The following TMEM116 variants were observed in gnomAD, a reference collection of about 807,000 sequenced individuals.
TMEM116 encodes transmembrane protein 116.
Under a neutral mutation model 44.3 loss-of-function variants are expected in TMEM116, and 38 were observed. The observed-to-expected ratio is 0.86, with a 90% CI of 0.66 to 1.12. The LOEUF (loss-of-function observed/expected upper bound fraction) is 1.12, where lower values mean the gene tolerates loss of function less well. Among genes scored for constraint, TMEM116 ranks in the 50% most tolerant of loss-of-function variants. The pLI is 0.00. For synonymous variants in TMEM116, 132 were observed against 144.8 expected (o/e 0.91, Z 0.64); for missense variants, 354 against 401.7 (o/e 0.88, Z 1.01).
intron 5 of TMEM116, among the ~76,000 whole-genome samples, chr12:111,940,550 C>CATATATGTGTATATATAT (rs1565874405): frequency 7.8e-6 from 1 of 127,708 alleles, no homozygotes; most frequent in African/African-American, 3.2e-5. Context: ...TATATACACA[C>CATATATGTGTATATATAT]ACACATATAT....
Position 111,938,220 on chromosome 12 carries a change from GAATA to G in TMEM116, c.316-14_316-11del, listed in dbSNP as rs1368902462. On this transcript the variant is annotated splice_polypyrimidine_tract_variant and intron_variant, in intron 5 of 10. Transcript: ENST00000552374. ...AAGTATAATCTATCACCTGTGAAAA[GAATA>G]AATGTGAGAAATGTCTTAAGACATT... 5.1e-6 allele frequency: 8 copies of G among 1,563,176 alleles called. No individual in the cohort carries two copies. The highest frequency in any genetic ancestry group is 1.9e-5 in the Admixed American group (1 of 52,310).
At chr12:111,941,654 A>G (rs1468227383) in intron 5 of TMEM116, among the ~76,000 whole-genome samples, 1 of 152,162 alleles carries the variant, frequency 6.6e-6, no homozygotes, top group East Asian at 1.9e-4. Flanking sequence ...TATATAGACA[A>G]TGATATCTTG....
chr12:112,005,797 C>T, intron 1 of TMEM116: 1 of 888,716 alleles, frequency 1.1e-6, no homozygotes, highest in African/African-American at 1.8e-5. Flanking sequence ...TACTAGAGTT[C>T]ACTGATAGGT....
intron 3 of TMEM116, among the ~76,000 whole-genome samples, chr12:111,996,255 C>T (rs756703668): frequency 9.9e-5 from 15 of 151,178 alleles, no homozygotes; most frequent in South Asian, 2.1e-4. Context: ...TGTCAAGACA[C>T]CATAAAGAAA....
chr12:111,964,561 C>T (rs915992348), intron 4 of TMEM116, among the ~76,000 whole-genome samples: 6 of 152,076 alleles, frequency 3.9e-5, no homozygotes, highest in East Asian at 1.9e-4. Flanking sequence ...GGTTTCTACA[C>T]GAACCAAATT....
intron 4 of TMEM116, chr12:111,965,720 TC>T: frequency 2.5e-6 from 1 of 400,076 alleles, no homozygotes; most frequent in Non-Finnish European, 5.0e-6. Context: ...GGTCAGGCAT[TC>T]AGGACCAGCC....
intron 4 of TMEM116, among the ~76,000 whole-genome samples, chr12:111,963,967 T>C (rs2074798675): frequency 6.6e-6 from 1 of 152,080 alleles, no homozygotes; most frequent in Non-Finnish European, 1.5e-5. Flanking sequence ...TGAAAGTAGA[T>C]GGTAGTTATG....
intron 1 of TMEM116, among the ~76,000 whole-genome samples, chr12:112,008,990 A>C (rs1353845121): frequency 6.6e-6 from 1 of 152,124 alleles, no homozygotes. Context: ...AAAAAAAAAA[A>C]AGATTTCTAG....
chr12:112,006,110 T>C (rs1449549921), intron 1 of TMEM116: 1 of 249,952 alleles, frequency 4.0e-6, no homozygotes, highest in African/African-American at 2.3e-5. Context: ...CCTCCTATAC[T>C]GAATCCTGCT....
At position 111,943,313 on chromosome 12, in the gene TMEM116, T is replaced by A; in HGVS notation, c.267A>T (p.Thr89=). ...YTVNYIWYLY[T]ELRMKHTQSG... is the part of the protein sequence containing the mutation. ...TCTGGGTGTGTTTCATCCTCAGCTC[T>A]GTGTACAAATACCAGATGTAATTGA... is the stretch of plus-strand genomic sequence containing the variant. Residue 89 remains threonine (T), a synonymous_variant, in exon 5 of 11, where the codon ACA becomes ACT. Coordinates refer to ENST00000552374, the MANE Select transcript of TMEM116 (RefSeq NM_001193531.2). 1 of 1,614,100 alleles carries A rather than the reference T, an allele frequency of 6.2e-7. No homozygotes were observed. The highest frequency in any genetic ancestry group is 8.5e-7 in the Non-Finnish European group (1 of 1,179,990).
chr12:111,990,813 T>A (rs937509887), intron 4 of TMEM116, among the ~76,000 whole-genome samples: 3 of 152,256 alleles, frequency 2.0e-5, no homozygotes, highest in Admixed American at 2.0e-4. Flanking sequence ...ATCCAGTGTT[T>A]ATTTTACTCC....
At chr12:111,939,378 G>C (rs1428953266) in intron 5 of TMEM116, among the ~76,000 whole-genome samples, 1 of 151,356 alleles carries the variant, frequency 6.6e-6, no homozygotes, top group Admixed American at 6.6e-5. Flanking sequence ...GCTTGAACCC[G>C]GGAGGTGGAG....
At chr12:111,988,818 C>T (rs1437386421) in intron 4 of TMEM116, among the ~76,000 whole-genome samples, 1 of 151,784 alleles carries the variant, frequency 6.6e-6, no homozygotes, top group Non-Finnish European at 1.5e-5. Flanking sequence ...AGTGAAACCC[C>T]GTCTCTACTA....
At chr12:111,995,778 C>T (rs2076896771) in intron 3 of TMEM116, among the ~76,000 whole-genome samples, 1 of 151,916 alleles carries the variant, frequency 6.6e-6, no homozygotes, top group Admixed American at 6.6e-5. Flanking sequence ...TGACTATAAT[C>T]CTAACATTTT....
At chr12:111,957,214 G>C (rs1812157695) in intron 4 of TMEM116, among the ~76,000 whole-genome samples, 1 of 151,934 alleles carries the variant, frequency 6.6e-6, no homozygotes, top group Admixed American at 6.6e-5. Context: ...CATCATCTGG[G>C]ATGTGGGGAG....
intron 4 of TMEM116, among the ~76,000 whole-genome samples, chr12:111,964,440 CAAAAA>C (rs553179003): frequency 1.6e-5 from 1 of 62,126 alleles, no homozygotes; most frequent in East Asian, 4.7e-4. Flanking sequence ...GACTCCATCT[CAAAAA>C]AAAAAAAAAA....
Position 111,951,293 on chromosome 12 carries a change from C to T in TMEM116, c.211-7924G>A, listed in dbSNP as rs1175289082. 2.6e-5 allele frequency among the ~76,000 whole-genome samples: 4 copies of T among 152,294 alleles called. No homozygotes were observed. The East Asian group carries it at 5.8e-4, about 22-fold the overall frequency. On this transcript the variant is annotated intron_variant, in intron 4 of 10. Transcript: ENST00000552374. ...AAGACCTAAAGACAGAAATACCATT[C>T]GACTCAGCAATCCCATTACTGGGTA...
intron 4 of TMEM116, among the ~76,000 whole-genome samples, chr12:111,957,645 G>A (rs1165480232): frequency 6.6e-6 from 1 of 150,974 alleles, no homozygotes; most frequent in African/African-American, 2.4e-5. Context: ...CGGCTGCCCC[G>A]TCTGGGAAGT....
intron 3 of TMEM116, chr12:112,000,829 T>C: frequency 2.0e-6 from 1 of 501,664 alleles, no homozygotes; most frequent in Non-Finnish European, 4.1e-6. Context: ...ATACGGTTCA[T>C]TAGCTGAGAT....
Sources: gnomAD v4.1 joint callset for allele counts (sites outside exome capture counted in the v4.1 genomes callset) on GRCh38, gnomAD v4.1.1 for gene constraint, MANE v1.5 for transcripts, NCBI Gene and HGNC (gene_info 2026-07-23, HGNC 2026-07-21) for gene names.